Variants in TLL2 observed in about 807,000 individuals in gnomAD.
TLL2 encodes tolloid-like protein 2.
Under a neutral mutation model 123.0 loss-of-function variants are expected in TLL2, and 106 were observed. The observed-to-expected ratio is 0.86, with a 90% CI of 0.74 to 1.01. The LOEUF (loss-of-function observed/expected upper bound fraction) is 1.01. Ranked by LOEUF, TLL2 falls within the 50% of genes least tolerant of loss-of-function variation. The pLI is 0.00. For missense variants in TLL2, 1,332 were observed against 1,336.7 expected (o/e 1.00, Z 0.06); for synonymous variants, 494 against 516.8 (o/e 0.96, Z 0.60).
intron 1 of TLL2, among the ~76,000 whole-genome samples, chr10:96,488,073 T>A (rs967956251): frequency 1.3e-5 from 2 of 152,020 alleles, no homozygotes; most frequent in African/African-American, 4.8e-5. Context: ...GAATAAAGAG[T>A]CATAATATCT....
intron 7 of TLL2, among the ~76,000 whole-genome samples, chr10:96,417,546 G>A (rs979500154): frequency 6.6e-6 from 1 of 152,210 alleles, no homozygotes; most frequent in Non-Finnish European, 1.5e-5. Flanking sequence ...TTTGGGGCTG[G>A]CCTTGTGGCT....
intron 3 of TLL2, among the ~76,000 whole-genome samples, chr10:96,435,023 C>CG (rs1335649943): frequency 6.7e-6 from 1 of 148,750 alleles, no homozygotes; most frequent in African/African-American, 2.6e-5. Flanking sequence ...TTATTCATTT[C>CG]CTTTTTTTTT....
At chr10:96,483,945 C>T (rs1260214486) in intron 1 of TLL2, among the ~76,000 whole-genome samples, 4 of 152,198 alleles carry the variant, frequency 2.6e-5, no homozygotes, top group Non-Finnish European at 5.9e-5. Flanking sequence ...CAGATTCAAG[C>T]GATTCTCGTT....
rs79900843 is a variant in TLL2, at chr10:96,396,851, C to T, written c.1384+335G>A. ...GTCAGATTCTTTGCTTAGGCTCACA[C>T]AGCAATTCAGAGGCTGCTATCATTT... On this transcript the variant is annotated intron_variant, in intron 11 of 20. Coordinates refer to ENST00000357947, the MANE Select transcript of TLL2 (RefSeq NM_012465.4). Among the ~76,000 whole-genome samples the T allele has an allele frequency of 1.9e-3, 289 of 152,308 alleles. 9 individuals are homozygous for T. The East Asian group carries it at 0.047, about 25-fold the overall frequency.
At chr10:96,490,533 T>C (rs905439105) in intron 1 of TLL2, among the ~76,000 whole-genome samples, 2 of 152,204 alleles carry the variant, frequency 1.3e-5, no homozygotes, top group African/African-American at 2.4e-5. Context: ...ATGAATGACG[T>C]TGAAGCAAAT....
chr10:96,447,190 T>A (rs1299609142), intron 2 of TLL2, among the ~76,000 whole-genome samples: 1 of 152,184 alleles, frequency 6.6e-6, no homozygotes, highest in Non-Finnish European at 1.5e-5. Context: ...AGACGGGGAC[T>A]GGGCTTGTCA....
rs116160476 is a variant in TLL2 at position 96,397,233 on chromosome 10, C to T, written c.1337G>A (p.Arg446His). 6.7e-4 allele frequency: 1,083 copies of T among 1,613,904 alleles called. 6 individuals carry two copies. The African/African-American group carries it at 0.011, about 16-fold the overall frequency. The part of the protein sequence containing the change: ...STDSRLWVEF[R>H]SSSNILGKGF... ...CTTGCCCAAGATGTTGCTGCTGCTG[C>T]GGAACTCCACCCAGAGCCGGCTGTC... The change falls in exon 11 of 21, where the codon CGC becomes CAC. Residue 446 changes from arginine to histidine, a missense_variant. Transcript: ENST00000357947.
At chr10:96,372,126 T>C (rs1589403486) in intron 19 of TLL2, among the ~76,000 whole-genome samples, 1 of 152,306 alleles carries the variant, frequency 6.6e-6, no homozygotes, top group South Asian at 2.1e-4. Flanking sequence ...CTGGTCTCTA[T>C]CTGCAGGGAC....
chr10:96,504,056 G>A (rs889328945), intron 1 of TLL2, among the ~76,000 whole-genome samples: 2 of 152,200 alleles, frequency 1.3e-5, no homozygotes, highest in African/African-American at 4.8e-5. Context: ...ACCTGACCAT[G>A]GCCTGTAATG....
chr10:96,380,194 G>A (rs1400862348), intron 16 of TLL2, among the ~76,000 whole-genome samples: 2 of 152,206 alleles, frequency 1.3e-5, no homozygotes, highest in East Asian at 3.8e-4. Context: ...GCTGGCCCTT[G>A]TTAAACTTGT....
At chr10:96,389,889 C>T (rs578003050) in intron 13 of TLL2, among the ~76,000 whole-genome samples, 1 of 152,382 alleles carries the variant, frequency 6.6e-6, no homozygotes, top group African/African-American at 2.4e-5. Context: ...CACCTGAGCT[C>T]TCTCTAGCAA....
Position 96,415,920 on chromosome 10 carries a change from A to G in TLL2, c.924-2604T>C, listed in dbSNP as rs886700616. Among the ~76,000 whole-genome samples, 4 of 150,746 alleles carry G rather than the reference A, an allele frequency of 2.7e-5. No homozygotes were observed. The South Asian group carries it at 6.4e-4, about 24-fold the overall frequency. ...AATCAGATTTCAAGCTCACTTTCCA[A>G]CCTTAGCCTGTGGGAGTATAGATCA... On this transcript the variant is annotated intron_variant, in intron 7 of 20. Coordinates refer to ENST00000357947, the MANE Select transcript of TLL2 (RefSeq NM_012465.4).
chr10:96,489,050 AGAGCGCTGT>A (rs992169443), intron 1 of TLL2, among the ~76,000 whole-genome samples: 29 of 152,206 alleles, frequency 1.9e-4, no homozygotes, highest in African/African-American at 6.8e-4. Context: ...GGAACAGCAA[AGAGCGCTGT>A]GACTAATTGT....
chr10:96,376,982 T>C (rs1846144580), intron 17 of TLL2, among the ~76,000 whole-genome samples, 163 bp from the exon 18 acceptor site: 1 of 152,252 alleles, frequency 6.6e-6, no homozygotes, highest in Non-Finnish European at 1.5e-5. Context: ...GGCTCAGGGA[T>C]GTGCTGGTTT....
At chr10:96,369,977 C>T (rs1846063699) in intron 20 of TLL2, 88 bp downstream of exon 20, 1 of 1,472,818 alleles carries the variant, frequency 6.8e-7, no homozygotes, top group South Asian at 1.4e-5. Context: ...AGTAGGTGGC[C>T]GGGACTGAAA....
At position 96,395,192 on chromosome 10, in the gene TLL2, A is replaced by C; in HGVS notation, c.1721T>G (p.Phe574Cys). The change falls in exon 13 of 21, where the codon TTC becomes TGC. Residue 574 changes from phenylalanine (F) to cysteine (C), a missense_variant. Physicochemically the swap from Phe to Cys is radical, Grantham distance 205 (BLOSUM62 -2). Transcript: ENST00000357947. ...INKAGFAANF[F>C]KEVDECSWPD... ...AACAAACTGCTAATTCATACCCTTG[A>C]AAAAATTGGCTGCAAAGCCCGCTTT... is the stretch of plus-strand genomic sequence containing the variant. 1 of 1,602,426 alleles carries C rather than the reference A, an allele frequency of 6.2e-7. No individual in the cohort carries two copies. Among genetic ancestry groups the C allele is most frequent in the South Asian group, 1.1e-5 (1 of 88,744 alleles).
At chr10:96,395,475 C>T in intron 12 of TLL2, 93 bp from the exon 13 acceptor site, 1 of 1,356,224 alleles carries the variant, frequency 7.4e-7, no homozygotes, top group Non-Finnish European at 9.8e-7. Context: ...CTCTCAAAAT[C>T]TAACCAAGAG....
chr10:96,468,230 G>A (rs1003668713), intron 2 of TLL2, among the ~76,000 whole-genome samples: 4 of 152,192 alleles, frequency 2.6e-5, no homozygotes, highest in African/African-American at 4.8e-5. Context: ...CTTCTGCTTC[G>A]CTCATTTTAT....
chr10:96,447,748 C>G (rs1343456788), intron 2 of TLL2, among the ~76,000 whole-genome samples: 2 of 152,178 alleles, frequency 1.3e-5, no homozygotes, highest in Admixed American at 6.5e-5. Context: ...TAGAAACTTA[C>G]AGCTTACAAG....
Sources: gnomAD v4.1 joint callset for allele counts (sites outside exome capture counted in the v4.1 genomes callset) on GRCh38, gnomAD v4.1.1 for gene constraint, MANE v1.5 for transcripts, NCBI Gene and HGNC (gene_info 2026-07-23, HGNC 2026-07-21) for gene names.